Variants in SPECC1L observed in about 807,000 individuals in gnomAD.
SPECC1L encodes the protein cytospin-A.
Under a neutral mutation model 116.8 loss-of-function variants are expected in SPECC1L, and 40 were observed. The ratio of observed to expected loss-of-function variants is 0.34; its 90% CI spans 0.27 to 0.45. The LOEUF is 0.45. SPECC1L is among the 20% of genes least tolerant of loss of function. The probability of loss-of-function intolerance (pLI) is 1.00; values close to 1 mark genes in which losing one functional copy is unlikely to be tolerated. For synonymous variants in SPECC1L, 504 were observed against 500.6 expected (o/e 1.01, Z -0.09); for missense variants, 1,110 against 1,373.6 (o/e 0.81, Z 3.03).
At chr22:24,387,799 C>A (rs892285892) in intron 14 of SPECC1L, among the ~76,000 whole-genome samples, 1 of 152,178 alleles carries the variant, frequency 6.6e-6, no homozygotes, top group African/African-American at 2.4e-5. Flanking sequence ...GGTTAGAAGT[C>A]CAACATGGCT....
chr22:24,346,296 C>T (rs2041293911), intron 10 of SPECC1L, among the ~76,000 whole-genome samples: 2 of 152,164 alleles, frequency 1.3e-5, no homozygotes, highest in African/African-American at 2.4e-5. Flanking sequence ...TGAGCCACTG[C>T]GCCTGGCCGT....
intron 14 of SPECC1L, among the ~76,000 whole-genome samples, chr22:24,380,607 C>T (rs1721352195): frequency 6.6e-6 from 1 of 152,166 alleles, no homozygotes; most frequent in Admixed American, 6.5e-5. Context: ...AAAACAAGCC[C>T]TTATGAGTTT....
At chr22:24,316,947 C>T (rs560358595) in intron 4 of SPECC1L, among the ~76,000 whole-genome samples, 15 of 113,628 alleles carry the variant, frequency 1.3e-4, no homozygotes, top group East Asian at 2.9e-4. Context: ...GGCGGCTGGC[C>T]GGGCCGAGGA....
Position 24,328,283 on chromosome 22 carries a change from C to G in SPECC1L, c.2147-563C>G, listed in dbSNP as rs372803919. 3.6e-3 allele frequency among the ~76,000 whole-genome samples: 543 copies of G among 152,196 alleles called. 16 individuals carry two copies. In the South Asian group the frequency reaches 0.09, roughly 25 times the overall value. ...TGAATGAAATTGTTCTAAGAAAATT[C>G]ACATTATCGGATAAATAATTTGAGG... On this transcript the variant is annotated intron_variant, in intron 6 of 16. Transcript: ENST00000314328.
At chr22:24,317,392 C>T (rs1457877083) in intron 4 of SPECC1L, among the ~76,000 whole-genome samples, 12 of 117,620 alleles carry the variant, frequency 1.0e-4, no homozygotes, top group Non-Finnish European at 1.9e-4. Context: ...GGCGGCCGGG[C>T]AGAGGCGCCC....
chr22:24,334,375 A>G lies in SPECC1L; in HGVS notation c.2397-35A>G, dbSNP rs776098835. 19 of 1,609,836 alleles carry G rather than the reference A, an allele frequency of 1.2e-5. 1 individual carries two copies. The South Asian group carries it at 1.5e-4, about 13-fold the overall frequency. ...GGAAAATGTGTATGTTCTAGTACCT[A>G]TGTAAAAATGCTCTGATTTCAATAT... On this transcript the variant is annotated intron_variant, in intron 8 of 16. Transcript: ENST00000314328.
intron 2 of SPECC1L, among the ~76,000 whole-genome samples, chr22:24,281,954 G>T (rs1018301867): frequency 2.0e-4 from 31 of 152,248 alleles, no homozygotes; most frequent in East Asian, 7.7e-4. Flanking sequence ...GGAGTTTTAT[G>T]ATTACTCAAA....
At chr22:24,271,862 A>G (rs1308250674) in intron 1 of SPECC1L, among the ~76,000 whole-genome samples, 1 of 152,210 alleles carries the variant, frequency 6.6e-6, no homozygotes, top group Non-Finnish European at 1.5e-5. Flanking sequence ...TCTTTTGTCA[A>G]AAGAGCCTCT....
chr22:24,379,066 C>T (rs1351394091), intron 14 of SPECC1L, among the ~76,000 whole-genome samples: 1 of 151,936 alleles, frequency 6.6e-6, no homozygotes, highest in Non-Finnish European at 1.5e-5. Context: ...TAGGTGTCTT[C>T]ATATAACCTA....
chr22:24,313,535 T>C (rs560543116), intron 4 of SPECC1L, 69 bp downstream of exon 4: 2 of 1,560,288 alleles, frequency 1.3e-6, no homozygotes, highest in East Asian at 2.2e-5. Context: ...CATTGGTGTT[T>C]ACAGTGTTCC....
intron 14 of SPECC1L, among the ~76,000 whole-genome samples, chr22:24,398,321 T>C (rs766236558): frequency 2.0e-5 from 3 of 152,200 alleles, no homozygotes; most frequent in Non-Finnish European, 2.9e-5. Flanking sequence ...ATTTTTTCCA[T>C]TGTGCATATG....
At chr22:24,298,841 A>G (rs1218401233) in intron 2 of SPECC1L, among the ~76,000 whole-genome samples, 3 of 152,232 alleles carry the variant, frequency 2.0e-5, no homozygotes, top group Non-Finnish European at 2.9e-5. Flanking sequence ...AATTTCATCC[A>G]GAAACACCCT....
intron 14 of SPECC1L, among the ~76,000 whole-genome samples, chr22:24,383,294 T>A (rs2042095897): frequency 6.6e-6 from 1 of 152,192 alleles, no homozygotes; most frequent in South Asian, 2.1e-4. Flanking sequence ...ATACCAGGCA[T>A]GACCAGGCAC....
chr22:24,379,602 A>T (rs933343077), intron 14 of SPECC1L, among the ~76,000 whole-genome samples: 25 of 152,192 alleles, frequency 1.6e-4, no homozygotes, highest in African/African-American at 5.8e-4. Flanking sequence ...GCAGGGGGAA[A>T]TATGATATAG....
chr22:24,344,443 G>A (rs1304310177), intron 10 of SPECC1L, among the ~76,000 whole-genome samples: 1 of 151,850 alleles, frequency 6.6e-6, no homozygotes, highest in Non-Finnish European at 1.5e-5. Context: ...AATAGAAGGA[G>A]ACCTGTGGGA....
rs1210978937 is a variant in SPECC1L at position 24,324,134 on chromosome 22, C to T, written c.1939-86C>T. 7 of 1,130,212 alleles carry T rather than the reference C, an allele frequency of 6.2e-6. No individual in the cohort carries two copies. In the Admixed American group the frequency reaches 1.0e-4, roughly 17 times the overall value. 70.0% of individuals were successfully genotyped at this position (1,130,212 alleles called of 1,614,324 possible). ...CCATAGTGCCTCATACTTAGCTCCC[C>T]TTGGAAACTGTGTGTACCTCAATTC... On this transcript the variant is annotated intron_variant, in intron 5 of 16. Transcript: ENST00000314328.
intron 16 of SPECC1L, 60 bp downstream of exon 16, chr22:24,412,767 G>A: frequency 1.3e-6 from 2 of 1,580,068 alleles, no homozygotes; most frequent in Non-Finnish European, 8.7e-7. Context: ...GAAGAGTTCA[G>A]TCCTGTTTAA....
chr22:24,337,611 T>C (rs1420996620), intron 9 of SPECC1L, among the ~76,000 whole-genome samples: 1 of 152,236 alleles, frequency 6.6e-6, no homozygotes, highest in East Asian at 1.9e-4. Context: ...AGAATACATC[T>C]AAAGATATCA....
intron 2 of SPECC1L, among the ~76,000 whole-genome samples, chr22:24,286,587 T>C (rs554172694): frequency 2.0e-5 from 3 of 152,326 alleles, no homozygotes; most frequent in South Asian, 4.1e-4. Context: ...TTTACTGCTT[T>C]CCTCTTTTTC....
Sources: allele counts gnomAD v4.1 joint callset (sites outside exome capture counted in the v4.1 genomes callset), GRCh38; gene constraint gnomAD v4.1.1; transcripts MANE v1.5; gene names NCBI Gene and HGNC (gene_info 2026-07-23, HGNC 2026-07-21).